The following CD86 variants were observed in gnomAD, a reference collection of about 807,000 sequenced individuals.
CD86 encodes T-lymphocyte activation antigen CD86.
Under a neutral mutation model 32.1 loss-of-function variants are expected in CD86, and 11 were observed. That is an observed-to-expected ratio of 0.34 (90% CI 0.22 to 0.57). CD86 has a LOEUF of 0.57. Among genes scored for constraint, CD86 ranks in the 20% least tolerant of loss-of-function variants. CD86 has a pLI of 0.86. For missense variants in CD86, 359 were observed against 398.4 expected, an observed-to-expected ratio of 0.90 and a Z score of 0.84; for synonymous variants, 137 against 135.3, an observed-to-expected ratio of 1.01 and a Z score of -0.09.
rs529804982 is a variant in CD86, at chr3:122,087,143, G to C, written c.15-4458G>C. Among the ~76,000 whole-genome samples, 23 of 152,254 alleles carry C rather than the reference G, an allele frequency of 1.5e-4. No individual in the cohort carries two copies. The South Asian group carries it at 4.3e-3, about 29-fold the overall frequency. ...CCAGACATACAAAGTAAGTGAAAGT[G>C]GATTACGGCAGGTGCTCTTCTTGGT... On this transcript the variant is annotated intron_variant, in intron 1 of 6. Transcript: ENST00000330540.
chr3:122,061,903 C>A (rs1337784584), intron 1 of CD86, among the ~76,000 whole-genome samples: 4 of 152,018 alleles, frequency 2.6e-5, no homozygotes, highest in Non-Finnish European at 5.9e-5. Context: ...AATATTTATA[C>A]CAGCTTTATT....
chr3:122,103,352 T>C (rs1414894489), intron 2 of CD86, among the ~76,000 whole-genome samples, 160 bp from the exon 3 acceptor site: 1 of 152,138 alleles, frequency 6.6e-6, no homozygotes, highest in Non-Finnish European at 1.5e-5. Flanking sequence ...GGTCCTAATC[T>C]CCAGATGCCA....
At chr3:122,086,459 C>T in intron 1 of CD86, 1 of 406,098 alleles carries the variant, frequency 2.5e-6, no homozygotes, top group Non-Finnish European at 5.1e-6. Context: ...CCCACATGCT[C>T]CTTCAGACCT....
chr3:122,106,866 A>ACACACC lies in CD86; in HGVS notation c.703+367_703+372dup, dbSNP rs1409585771. Among the ~76,000 whole-genome samples, 7 of 151,926 alleles carry ACACACC rather than the reference A, an allele frequency of 4.6e-5. No individual in the cohort carries two copies. The East Asian group carries it at 1.4e-3, about 29-fold the overall frequency. On this transcript the variant is annotated intron_variant, in intron 4 of 6. Transcript: ENST00000330540. ...CACACACACACACACACACACACACACACACCATGCATACATGCAGACATA... is the reference window on the plus strand; with the variant it reads ...CACACACACACACACACACACACACACACACCCACACCATGCATACATGCAGACATA...
At position 122,119,706 on chromosome 3, in the gene CD86, C is replaced by T. The variant is rs749309846; in HGVS notation, c.*172C>T. ...CCTCCCTGTAACTCCAGCTCTGCTCCGTATGCCAAGAGGAGACTTTAATTC... is the reference window on the plus strand; with the variant it reads ...CCTCCCTGTAACTCCAGCTCTGCTCTGTATGCCAAGAGGAGACTTTAATTC... On this transcript the variant is annotated 3_prime_UTR_variant, in exon 7 of 7. Transcript: ENST00000330540. 5.2e-5 allele frequency: 30 copies of T among 580,202 alleles called. No individual in the cohort carries two copies. Among genetic ancestry groups the T allele is most frequent in the Admixed American group, 3.1e-4 (10 of 31,760 alleles). 35.9% of individuals were successfully genotyped at this position (580,202 alleles called of 1,614,324 possible).
Position 122,119,527 on chromosome 3 carries a change from GT to G in CD86, c.988del (p.Ter330AsnfsTer2). ...KTSSCDKSDT[C>X]F is the part of the protein sequence containing the mutation. ...TCTTCATGCGACAAAAGTGATACAT[GT>G]TTTTAATTAAAGAGTAAAGCCCATA... On this transcript the variant is annotated frameshift_variant, in exon 7 of 7. Transcript: ENST00000330540. LOFTEE classifies it high-confidence loss of function. 6.3e-7 allele frequency: 1 copy of G among 1,584,194 alleles called. No individual in the cohort carries two copies. The highest frequency in any genetic ancestry group is 8.7e-7 in the Non-Finnish European group (1 of 1,153,098).
Position 122,103,720 on chromosome 3 carries a change from C to A in CD86, c.273C>A (p.Asp91Glu). 6.2e-7 allele frequency: 1 copy of A among 1,614,056 alleles called. No homozygotes were observed. The highest frequency in any genetic ancestry group is 8.5e-7 in the Non-Finnish European group (1 of 1,179,936). Residue 91 changes from aspartate (D) to glutamate (E), a missense_variant, in exon 3 of 7, where the codon GAC becomes GAA. Physicochemically the swap from Asp to Glu is conservative, Grantham distance 45 (BLOSUM62 2). Transcript: ENST00000330540. The part of the protein sequence containing the change: ...KYMGRTSFDS[D>E]SWTLRLHNLQ... ...TGGGCCGCACAAGTTTTGATTCGGA[C>A]AGTTGGACCCTGAGACTTCACAATC...
At chr3:122,090,924 A>G (rs1312915415) in intron 1 of CD86, among the ~76,000 whole-genome samples, 1 of 152,186 alleles carries the variant, frequency 6.6e-6, no homozygotes, top group Non-Finnish European at 1.5e-5. Flanking sequence ...GTTTCATCCC[A>G]ACTTACTAAG....
At chr3:122,114,587 C>A (rs1407339544) in intron 5 of CD86, among the ~76,000 whole-genome samples, 1 of 152,144 alleles carries the variant, frequency 6.6e-6, no homozygotes, top group East Asian at 1.9e-4. Flanking sequence ...AAGAAAACTA[C>A]AAACATCTCT....
intron 5 of CD86, among the ~76,000 whole-genome samples, chr3:122,114,253 T>TA (rs1156270358): frequency 6.8e-6 from 1 of 147,688 alleles, no homozygotes; most frequent in East Asian, 1.9e-4. Flanking sequence ...GATTCCGTCT[T>TA]AAAAAATATA....
At position 122,106,275 on chromosome 3, in the gene CD86, A is replaced by G; in HGVS notation, c.478A>G (p.Ile160Val). The part of the protein sequence containing the change: ...NVYINLTCSS[I>V]HGYPEPKKMS... ...GTACATAAATTTGACCTGCTCATCT[A>G]TACACGGTTACCCAGAACCTAAGAA... Residue 160 changes from isoleucine (I) to valine (V), a missense_variant, in exon 4 of 7, where the codon ATA becomes GTA. Ile to Val is a conservative substitution (Grantham distance 29). Coordinates refer to ENST00000330540, the MANE Select transcript of CD86 (RefSeq NM_175862.5). 1 of 1,613,760 alleles carries G rather than the reference A, an allele frequency of 6.2e-7. No homozygotes were observed. The highest frequency in any genetic ancestry group is 1.3e-5 in the African/African-American group (1 of 75,046).
Position 122,109,409 on chromosome 3 carries a change from G to C in CD86, c.847+1G>C. 1 of 1,614,004 alleles carries C rather than the reference G, an allele frequency of 6.2e-7. No individual in the cohort carries two copies. The highest frequency in any genetic ancestry group is 8.5e-7 in the Non-Finnish European group (1 of 1,179,920). On this transcript the variant is annotated splice_donor_variant, in intron 5 of 6. Transcript: ENST00000330540. LOFTEE classifies it high-confidence loss of function. Reference sequence around the variant, plus strand: ...CGGCCTCGCAACTCTTATAAATGTGGTGAGTGAGTCCTTGTCCTCCCCACA... The same window carrying C: ...CGGCCTCGCAACTCTTATAAATGTGCTGAGTGAGTCCTTGTCCTCCCCACA...
intron 3 of CD86, among the ~76,000 whole-genome samples, chr3:122,105,501 C>T (rs2107540639): frequency 6.6e-6 from 1 of 152,232 alleles, no homozygotes; most frequent in Non-Finnish European, 1.5e-5. Context: ...TGACACAGGT[C>T]TAGGGACTCC....
At chr3:122,101,485 A>G (rs2072998611) in intron 2 of CD86, among the ~76,000 whole-genome samples, 2 of 125,794 alleles carry the variant, frequency 1.6e-5, no homozygotes, top group Admixed American at 8.0e-5. Flanking sequence ...AGATACTGTG[A>G]GGCTCTACAG....
At chr3:122,107,148 C>G (rs2073105203) in intron 4 of CD86, among the ~76,000 whole-genome samples, 1 of 152,058 alleles carries the variant, frequency 6.6e-6, no homozygotes, top group Non-Finnish European at 1.5e-5. Flanking sequence ...TAGGCAAGAT[C>G]CCTGAGGGTC....
intron 1 of CD86, among the ~76,000 whole-genome samples, chr3:122,074,632 G>C (rs2072532565): frequency 6.6e-6 from 1 of 152,156 alleles, no homozygotes; most frequent in Non-Finnish European, 1.5e-5. Context: ...GATGTTTCTA[G>C]ACTCCCACGG....
chr3:122,089,887 A>G (rs908721103), intron 1 of CD86, among the ~76,000 whole-genome samples: 2 of 152,256 alleles, frequency 1.3e-5, no homozygotes, highest in African/African-American at 2.4e-5. Context: ...ATGCTGATAC[A>G]GAATAATCTC....
chr3:122,070,617 G>A (rs1213413923), intron 1 of CD86, among the ~76,000 whole-genome samples: 1 of 152,130 alleles, frequency 6.6e-6, no homozygotes, highest in Non-Finnish European at 1.5e-5. Context: ...CAGAAACATG[G>A]AACTGAAAGC....
At chr3:122,075,207 C>G (rs2072540228) in intron 1 of CD86, among the ~76,000 whole-genome samples, 1 of 152,102 alleles carries the variant, frequency 6.6e-6, no homozygotes, top group Admixed American at 6.5e-5. Context: ...GCCCTGAGAG[C>G]CTTCTCTGCT....
Sources: allele counts gnomAD v4.1 joint callset (sites outside exome capture counted in the v4.1 genomes callset), GRCh38; gene constraint gnomAD v4.1.1; transcripts MANE v1.5; gene names NCBI Gene and HGNC (gene_info 2026-07-23, HGNC 2026-07-21).